Variants in ADAMTSL1 observed in about 807,000 individuals in gnomAD.
The protein encoded by ADAMTSL1 is ADAMTS-like protein 1.
A neutral mutation model predicts 201.8 loss-of-function variants in ADAMTSL1; 126 were observed. The observed-to-expected ratio is 0.62, with a 90% CI of 0.54 to 0.72. The LOEUF is 0.72. Among genes scored for constraint, ADAMTSL1 ranks in the 30% least tolerant of loss-of-function variants. The pLI, the probability that ADAMTSL1 is intolerant of heterozygous loss-of-function variation, is 0.00. For missense variants in ADAMTSL1, 2,679 were observed against 2,277.8 expected, an observed-to-expected ratio of 1.18 and a Z score of -3.59; for synonymous variants, 1,121 against 903.4, an observed-to-expected ratio of 1.24 and a Z score of -4.32.
At chr9:18,489,270 C>A (rs915251118) in intron 1 of ADAMTSL1, among the ~76,000 whole-genome samples, 5 of 152,126 alleles carry the variant, frequency 3.3e-5, no homozygotes, top group Non-Finnish European at 5.9e-5. Flanking sequence ...CTGTGAAAAT[C>A]AAAAACTTAG....
At chr9:18,019,560 G>A (rs1820396304) in intron 1 of ADAMTSL1, among the ~76,000 whole-genome samples, 1 of 152,076 alleles carries the variant, frequency 6.6e-6, no homozygotes, top group South Asian at 2.1e-4. Flanking sequence ...CCTCTAAGAA[G>A]ATTAAGACTG....
intron 1 of ADAMTSL1, among the ~76,000 whole-genome samples, chr9:18,032,371 C>G (rs554751827): frequency 6.6e-6 from 1 of 152,328 alleles, no homozygotes; most frequent in African/African-American, 2.4e-5. Flanking sequence ...CCTCTGGACC[C>G]TCAGGACTGA....
intron 2 of ADAMTSL1, among the ~76,000 whole-genome samples, chr9:18,287,570 T>C (rs139328485): frequency 1.1e-3 from 163 of 149,292 alleles, no homozygotes; most frequent in African/African-American, 4.0e-3. Flanking sequence ...ATATTACATA[T>C]ATGTAAATAT....
intron 2 of ADAMTSL1, among the ~76,000 whole-genome samples, chr9:18,393,484 G>C (rs1000861097): frequency 2.0e-5 from 3 of 152,090 alleles, no homozygotes; most frequent in Admixed American, 6.5e-5. Context: ...AGGATAATTG[G>C]CTCCCTTAGA....
At chr9:18,815,143 G>C (rs1414051631) in intron 20 of ADAMTSL1, among the ~76,000 whole-genome samples, 1 of 152,096 alleles carries the variant, frequency 6.6e-6, no homozygotes, top group Non-Finnish European at 1.5e-5. Context: ...ATGGAAAACA[G>C]CTTAGATGTT....
At chr9:18,514,892 T>C (rs1271031816) in intron 2 of ADAMTSL1, among the ~76,000 whole-genome samples, 1 of 152,180 alleles carries the variant, frequency 6.6e-6, no homozygotes, top group African/African-American at 2.4e-5. Flanking sequence ...CCATTGAGTG[T>C]GATGTTAGCT....
At chr9:18,284,381 G>A (rs1745238722) in intron 2 of ADAMTSL1, among the ~76,000 whole-genome samples, 1 of 152,090 alleles carries the variant, frequency 6.6e-6, no homozygotes, top group Non-Finnish European at 1.5e-5. Flanking sequence ...GGTTTTAGCA[G>A]TTAAATTTTT....
At chr9:18,534,691 C>A (rs888636660) in intron 3 of ADAMTSL1, among the ~76,000 whole-genome samples, 2 of 152,216 alleles carry the variant, frequency 1.3e-5, no homozygotes, top group African/African-American at 2.4e-5. Flanking sequence ...CAGGCATTTT[C>A]ATACATCCTC....
At chr9:18,291,710 C>G (rs951251563) in intron 2 of ADAMTSL1, among the ~76,000 whole-genome samples, 1 of 134,042 alleles carries the variant, frequency 7.5e-6, no homozygotes, top group African/African-American at 3.0e-5. Flanking sequence ...CTCTCTCTCT[C>G]TCTCTTTCTC....
At chr9:18,660,028 C>T (rs1369424501) in intron 8 of ADAMTSL1, among the ~76,000 whole-genome samples, 1 of 152,052 alleles carries the variant, frequency 6.6e-6, no homozygotes, top group East Asian at 1.9e-4. Context: ...TCGTTCATTA[C>T]ATAATAGGGA....
Position 18,906,766 on chromosome 9 carries a change from C to A in ADAMTSL1, c.5036C>A (p.Thr1679Lys), listed in dbSNP as rs751714880. ...HWRVSLWTLC[T>K]ATCGNYGFQS... is the part of the protein sequence containing the mutation. ...AGAGTCAGCCTGTGGACCCTGTGCA[C>A]AGCTACCTGTGGCAACTACGGCTTC... The change falls in exon 28 of 29, where the codon ACA becomes AAA. Residue 1679 changes from threonine (T) to lysine (K), a missense_variant. Transcript: ENST00000380548. 6.2e-7 allele frequency: 1 copy of A among 1,613,804 alleles called. No individual in the cohort carries two copies. The highest frequency in any genetic ancestry group is 1.3e-5 in the African/African-American group (1 of 74,936).
chr9:18,784,806 T>C (rs2133795356), intron 19 of ADAMTSL1, among the ~76,000 whole-genome samples: 1 of 152,322 alleles, frequency 6.6e-6, no homozygotes, highest in Non-Finnish European at 1.5e-5. Flanking sequence ...ATCCCAATTT[T>C]ACCGATATTG....
At chr9:18,085,648 A>G (rs1384791210) in intron 1 of ADAMTSL1, among the ~76,000 whole-genome samples, 2 of 145,796 alleles carry the variant, frequency 1.4e-5, no homozygotes, top group Non-Finnish European at 3.0e-5. Context: ...ATATATATAC[A>G]TATACTCTGT....
At chr9:18,470,194 A>G (rs940572318), upstream of ADAMTSL1, among the ~76,000 whole-genome samples, 4 of 152,186 alleles carry the variant, frequency 2.6e-5, no homozygotes, top group Admixed American at 6.5e-5. Context: ...TGGTTTCCTC[A>G]TCTGCAAATT....
intron 5 of ADAMTSL1, 40 bp downstream of exon 5, chr9:18,622,409 C>T: frequency 1.9e-6 from 3 of 1,613,720 alleles, no homozygotes; most frequent in East Asian, 2.2e-5. Flanking sequence ...GACTTGTTGA[C>T]TTATCCTCTC....
chr9:18,574,002 G>A, intron 3 of ADAMTSL1, 28 bp from the exon 4 acceptor site: 1 of 1,593,598 alleles, frequency 6.3e-7, no homozygotes, highest in Non-Finnish European at 8.6e-7. Context: ...CCTAACCTTT[G>A]TATGTCCTTT....
chr9:18,044,682 T>C (rs1821583648), intron 1 of ADAMTSL1, among the ~76,000 whole-genome samples: 2 of 152,164 alleles, frequency 1.3e-5, no homozygotes, highest in South Asian at 4.1e-4. Context: ...TATTCAGTGA[T>C]CTCAGTTCTA....
intron 2 of ADAMTSL1, among the ~76,000 whole-genome samples, chr9:18,369,318 C>T (rs1836933887): frequency 6.6e-6 from 1 of 152,122 alleles, no homozygotes; most frequent in Non-Finnish European, 1.5e-5. Context: ...ATGGATATCA[C>T]AATTGTATCT....
chr9:18,015,104 G>A (rs562563255), intron 1 of ADAMTSL1, among the ~76,000 whole-genome samples: 10 of 152,136 alleles, frequency 6.6e-5, no homozygotes, highest in Admixed American at 6.5e-4. Context: ...ATAGCCACAT[G>A]GGGCAGGTAT....
Sources: gnomAD v4.1 joint callset for allele counts (sites outside exome capture counted in the v4.1 genomes callset) on GRCh38, gnomAD v4.1.1 for gene constraint, MANE v1.5 for transcripts, NCBI Gene and HGNC (gene_info 2026-07-23, HGNC 2026-07-21) for gene names.